STXBP5L: variants seen among roughly 807,000 people sequenced by gnomAD.
The protein encoded by STXBP5L is syntaxin-binding protein 5-like.
Under a neutral mutation model 144.5 loss-of-function variants are expected in STXBP5L, and 65 were observed. The ratio of observed to expected loss-of-function variants is 0.45; its 90% CI spans 0.37 to 0.55. The LOEUF is 0.55. Ranked by LOEUF, STXBP5L falls within the 20% of genes least tolerant of loss-of-function variation. STXBP5L has a pLI of 0.00. For synonymous variants in STXBP5L, 505 were observed against 469.6 expected (o/e 1.08, Z -0.97); for missense variants, 1,298 against 1,405.5 (o/e 0.92, Z 1.22).
At chr3:121,025,990 T>C (rs1190888721) in intron 3 of STXBP5L, among the ~76,000 whole-genome samples, 1 of 146,232 alleles carries the variant, frequency 6.8e-6, no homozygotes, top group Non-Finnish European at 1.5e-5. Flanking sequence ...AATATATTAG[T>C]ATTATCAATA....
At chr3:121,333,272 C>A (rs1276890038) in intron 20 of STXBP5L, among the ~76,000 whole-genome samples, 3 of 151,980 alleles carry the variant, frequency 2.0e-5, no homozygotes, top group Non-Finnish European at 2.9e-5. Flanking sequence ...AAATGCTCTA[C>A]TTAAAATATA....
In STXBP5L at chr3:121,254,986, G is replaced by A; in HGVS notation, c.1533G>A (p.Glu511=). The change falls in exon 16 of 27, where the codon GAG becomes GAA. Residue 511 remains glutamate, a synonymous_variant. Coordinates refer to ENST00000471454, the MANE Select transcript of STXBP5L (RefSeq NM_001308330.2). ...GEGKQTCEIV[E]EDPFAIQMIY... is the part of the protein sequence containing the mutation. ...GAAAACAAACATGTGAAATTGTAGAGGAAGACCCATTTGCCATTCAGATGA... is the reference window on the plus strand; with the variant it reads ...GAAAACAAACATGTGAAATTGTAGAAGAAGACCCATTTGCCATTCAGATGA... The A allele has an allele frequency of 6.2e-7, 1 of 1,613,578 alleles. No homozygotes were observed. Among genetic ancestry groups the A allele is most frequent in the Non-Finnish European group, 8.5e-7 (1 of 1,179,700 alleles).
intron 7 of STXBP5L, among the ~76,000 whole-genome samples, chr3:121,133,208 A>T (rs1389605779): frequency 6.6e-6 from 1 of 152,168 alleles, no homozygotes; most frequent in Non-Finnish European, 1.5e-5. Flanking sequence ...TGATTTTATG[A>T]AAAAGAAAAA....
At chr3:121,376,867 A>G (rs1454185632) in intron 20 of STXBP5L, among the ~76,000 whole-genome samples, 2 of 152,138 alleles carry the variant, frequency 1.3e-5, no homozygotes, top group African/African-American at 4.8e-5. Context: ...TGAGCATGGA[A>G]TGTTTTTCCA....
chr3:121,204,666 A>G (rs998863159), intron 9 of STXBP5L, among the ~76,000 whole-genome samples: 10 of 151,938 alleles, frequency 6.6e-5, no homozygotes, highest in African/African-American at 2.4e-4. Flanking sequence ...AATGTATTAC[A>G]TAGGTATCTA....
intron 3 of STXBP5L, among the ~76,000 whole-genome samples, chr3:120,977,853 A>G (rs1009041855): frequency 6.6e-6 from 1 of 152,152 alleles, no homozygotes; most frequent in African/African-American, 2.4e-5. Context: ...TCTTTTCTTT[A>G]AGAATGTTGA....
At chr3:121,394,125 G>A (rs529662171) in intron 22 of STXBP5L, among the ~76,000 whole-genome samples, 101 of 151,888 alleles carry the variant, frequency 6.6e-4, no homozygotes, top group Non-Finnish European at 1.2e-3. Context: ...TAAATTTTCC[G>A]TGTAGCAATC....
chr3:121,043,733 G>C (rs1408367000), intron 4 of STXBP5L, among the ~76,000 whole-genome samples: 1 of 150,916 alleles, frequency 6.6e-6, no homozygotes, highest in African/African-American at 2.4e-5. Flanking sequence ...AACAAAAAAA[G>C]AATACTGAGT....
chr3:121,250,741 A>G lies in STXBP5L; in HGVS notation c.1419A>G (p.Ile473Met). The change falls in exon 15 of 27, where the codon ATA (isoleucine) becomes ATG (methionine). Residue 473 changes from isoleucine to methionine, a missense_variant. Ile to Met is a conservative substitution (Grantham distance 10). Transcript: ENST00000471454. ...IIITGHADGS[I>M]KFWDASAITL... ...CATCTAGTCATGCAGATGGATCAATAAAATTTTGGGATGCTTCTGCAAGTA... is the reference window on the plus strand; with the variant it reads ...CATCTAGTCATGCAGATGGATCAATGAAATTTTGGGATGCTTCTGCAAGTA... 6.2e-7 allele frequency: 1 copy of G among 1,609,398 alleles called. No individual in the cohort carries two copies. The highest frequency in any genetic ancestry group is 8.5e-7 in the Non-Finnish European group (1 of 1,177,664).
At chr3:121,090,501 C>G (rs1254960365) in intron 5 of STXBP5L, among the ~76,000 whole-genome samples, 1 of 152,060 alleles carries the variant, frequency 6.6e-6, no homozygotes, top group East Asian at 1.9e-4. Flanking sequence ...TTCTGTTGTT[C>G]AGGAGCATGA....
intron 10 of STXBP5L, among the ~76,000 whole-genome samples, chr3:121,215,287 C>G (rs570928840): frequency 2.4e-4 from 36 of 152,276 alleles, no homozygotes; most frequent in African/African-American, 8.4e-4. Context: ...GTTGCAGTTT[C>G]TTCATAGTGT....
At chr3:121,072,344 G>T (rs1464013732) in intron 5 of STXBP5L, among the ~76,000 whole-genome samples, 2 of 152,244 alleles carry the variant, frequency 1.3e-5, no homozygotes, top group Non-Finnish European at 2.9e-5. Flanking sequence ...GGCCGTGTTG[G>T]CCGCTGCCAT....
At position 121,123,102 on chromosome 3, in the gene STXBP5L, G is replaced by A. The variant is rs556305364; in HGVS notation, c.669+1398G>A. Among the ~76,000 whole-genome samples, 389 of 151,628 alleles carry A rather than the reference G, an allele frequency of 2.6e-3. 1 individual carries two copies. The highest frequency in any genetic ancestry group is 3.8e-3 in the Non-Finnish European group (257 of 67,506). ...CTAGAGAGAAGGATTTGGCAGTGAG[G>A]AGGAAACAGTCTCACTAGTAATTAG... is the stretch of plus-strand genomic sequence containing the variant. On this transcript the variant is annotated intron_variant, in intron 7 of 26. Transcript: ENST00000471454.
chr3:121,098,220 T>A (rs1029262442), intron 5 of STXBP5L, among the ~76,000 whole-genome samples: 1 of 152,162 alleles, frequency 6.6e-6, no homozygotes, highest in Non-Finnish European at 1.5e-5. Flanking sequence ...GGATATGTAT[T>A]TTGGCTCACA....
intron 3 of STXBP5L, among the ~76,000 whole-genome samples, chr3:121,003,952 G>A (rs1354628463): frequency 6.6e-6 from 1 of 152,138 alleles, no homozygotes; most frequent in Non-Finnish European, 1.5e-5. Context: ...GGTTACTGTA[G>A]CCTTGCAGTA....
chr3:121,383,881 G>A (rs1173751942), intron 22 of STXBP5L, among the ~76,000 whole-genome samples: 1 of 152,096 alleles, frequency 6.6e-6, no homozygotes, highest in Admixed American at 6.6e-5. Flanking sequence ...TATTATGGTT[G>A]CTGCCATAGC....
intron 19 of STXBP5L, among the ~76,000 whole-genome samples, chr3:121,310,103 C>A (rs544498256): frequency 1.7e-4 from 26 of 152,266 alleles, no homozygotes; most frequent in African/African-American, 4.8e-4. Context: ...AATGGTGGAA[C>A]AACTGGGCAA....
At chr3:121,361,799 C>T (rs897802858) in intron 20 of STXBP5L, among the ~76,000 whole-genome samples, 1 of 151,782 alleles carries the variant, frequency 6.6e-6, no homozygotes, top group African/African-American at 2.4e-5. Context: ...TCTCTGGTGC[C>T]TTATTTAATT....
chr3:121,205,914 TTTC>T lies in STXBP5L; in HGVS notation c.878-6_878-4del, dbSNP rs757690877. On this transcript the variant is annotated splice_region_variant and splice_polypyrimidine_tract_variant and intron_variant, in intron 9 of 26. Coordinates refer to ENST00000471454, the MANE Select transcript of STXBP5L (RefSeq NM_001308330.2). ...AAATTAGATTCAATTAAATATTTTTTTTCTTTAGGAAAAAGTCAAAGAGAAGGA... is the reference window on the plus strand; with the variant it reads ...AAATTAGATTCAATTAAATATTTTTTTTTAGGAAAAAGTCAAAGAGAAGGA... 4 of 1,393,696 alleles carry T rather than the reference TTTC, an allele frequency of 2.9e-6. No homozygotes were observed. Among genetic ancestry groups the T allele is most frequent in the Non-Finnish European group, 2.9e-6 (3 of 1,032,818 alleles). The allele number at this position is 1,393,696 out of a possible 1,614,324, so 86.3% of individuals were successfully genotyped here.
Sources: allele counts gnomAD v4.1 joint callset (sites outside exome capture counted in the v4.1 genomes callset), GRCh38; gene constraint gnomAD v4.1.1; transcripts MANE v1.5; gene names NCBI Gene and HGNC (gene_info 2026-07-23, HGNC 2026-07-21).